The following IVD variants were observed in gnomAD, a reference collection of about 807,000 sequenced individuals.
IVD encodes isovaleryl-CoA dehydrogenase, mitochondrial.
In IVD, 31 loss-of-function variants were observed where a neutral mutation model predicts 51.3. The ratio of observed to expected loss-of-function variants is 0.60; its 90% CI spans 0.45 to 0.81. The LOEUF (loss-of-function observed/expected upper bound fraction) is 0.81. Among genes scored for constraint, IVD ranks in the 40% least tolerant of loss-of-function variants. IVD has a pLI of 0.00. For missense variants in IVD, 475 were observed against 552.0 expected (o/e 0.86, Z 1.40); for synonymous variants, 205 against 219.4 (o/e 0.93, Z 0.58).
At position 40,419,195 on chromosome 15, in the gene IVD, G is replaced by C; in HGVS notation, c.*932G>C. On this transcript the variant is annotated 3_prime_UTR_variant, in exon 12 of 12. Transcript: ENST00000487418. The stretch of plus-strand genomic sequence containing the variant: ...TTTCTTCCAGTTTCTAGAGGTATCA[G>C]CTCCTAGCAGCTTATGAACACATAT... The C allele has an allele frequency of 7.8e-7, 1 of 1,289,360 alleles. No individual in the cohort carries two copies. Among genetic ancestry groups the C allele is most frequent in the Non-Finnish European group, 1.0e-6 (1 of 988,874 alleles). 79.9% of individuals were successfully genotyped at this position (1,289,360 alleles called of 1,614,324 possible). A position where few individuals can be genotyped will look rare whatever the true frequency, so the allele number is the denominator to read the frequency against.
chr15:40,408,651 G>A (rs1201455257), intron 3 of IVD, among the ~76,000 whole-genome samples: 3 of 152,076 alleles, frequency 2.0e-5, no homozygotes, highest in South Asian at 2.1e-4. Flanking sequence ...TGCAGTGCCC[G>A]GTAAAGAGAT....
chr15:40,412,709 C>T, intron 6 of IVD: 1 of 434,148 alleles, frequency 2.3e-6, no homozygotes, highest in African/African-American at 2.0e-5. Flanking sequence ...GGAAATAAGG[C>T]CAGGGGGGTC....
intron 3 of IVD, among the ~76,000 whole-genome samples, chr15:40,409,835 CTTTTTTT>C (rs11365500): frequency 2.3e-5 from 3 of 131,724 alleles, no homozygotes; most frequent in South Asian, 4.9e-4. Flanking sequence ...CTGCTTCTTT[CTTTTTTT>C]TTTTTTTTTT....
chr15:40,422,945 A>G (rs1298361103), downstream of IVD, among the ~76,000 whole-genome samples: 1 of 151,454 alleles, frequency 6.6e-6, no homozygotes, highest in Non-Finnish European at 1.5e-5. Context: ...TTTTTGAGAC[A>G]GGATCTCACT....
intron 6 of IVD, 138 bp from the exon 7 acceptor site, chr15:40,412,853 T>C (rs2141338968): frequency 1.4e-6 from 1 of 702,376 alleles, no homozygotes; most frequent in East Asian, 2.7e-5. Flanking sequence ...GGGGGGAGCA[T>C]GGGACTAGGA....
At chr15:40,411,504 G>A (rs567853455) in intron 5 of IVD, 51 bp from the exon 6 acceptor site, 1 of 1,612,504 alleles carries the variant, frequency 6.2e-7, no homozygotes, top group Admixed American at 1.7e-5. Context: ...CTATGGCCTG[G>A]CTGAGACAGG....
At chr15:40,411,482 T>C in intron 5 of IVD, 73 bp from the exon 6 acceptor site, 1 of 1,609,012 alleles carries the variant, frequency 6.2e-7, no homozygotes, top group South Asian at 1.1e-5. Flanking sequence ...AGCTTCTTGC[T>C]CAGCAGAAGG....
At chr15:40,434,515 C>T (rs1893156886) in intron 8 of IVD, among the ~76,000 whole-genome samples, 1 of 152,142 alleles carries the variant, frequency 6.6e-6, no homozygotes, top group Non-Finnish European at 1.5e-5. Flanking sequence ...CATAGGCCTG[C>T]CCTCCAGGGG....
At chr15:40,424,344 T>C (rs1310381624), downstream of IVD, 3 of 423,220 alleles carry the variant, frequency 7.1e-6, no homozygotes, top group Non-Finnish European at 1.2e-5. Context: ...GCCATGTTTC[T>C]CATCCCTGTG....
At chr15:40,433,879 G>A (rs1231077180) in exon 8 of IVD, 3 of 456,574 alleles carry the variant, frequency 6.6e-6, no homozygotes, top group Non-Finnish European at 1.3e-5. Context: ...CTTGGAGTGT[G>A]TTCAGTAAAC....
rs1014641699 is a variant in IVD, at chr15:40,419,763, C to G, written c.*1500C>G. 1 of 154,050 alleles carries G rather than the reference C, an allele frequency of 6.5e-6. No homozygotes were observed. Among genetic ancestry groups the G allele is most frequent in the East Asian group, 1.9e-4 (1 of 5,214 alleles). 9.5% of individuals were successfully genotyped at this position (154,050 alleles called of 1,614,324 possible). The stretch of plus-strand genomic sequence containing the variant: ...GGCAGAGTTTGCAGTGAGCCAAGAT[C>G]ACACCACTGCACTCCAGCTTGGACG... On this transcript the variant is annotated 3_prime_UTR_variant, in exon 12 of 12. Coordinates refer to ENST00000487418, the MANE Select transcript of IVD (RefSeq NM_002225.5).
Position 40,410,639 on chromosome 15 carries a change from G to A in IVD, c.298G>A (p.Gly100Ser), listed in dbSNP as rs756016473. The change falls in exon 4 of 12, where the codon GGC becomes AGC. Residue 100 changes from glycine (G) to serine (S), a missense_variant. Coordinates refer to ENST00000487418, the MANE Select transcript of IVD (RefSeq NM_002225.5). ...CACACCACTCACAGTTCAGTATGGC[G>A]GCTCCGGCCTGGGCTACCTGGAGCA... ...LGITAPVQYG[G>S]SGLGYLEHVL... 5.0e-6 allele frequency: 8 copies of A among 1,614,152 alleles called. No individual in the cohort carries two copies. Among genetic ancestry groups the A allele is most frequent in the South Asian group, 3.3e-5 (3 of 91,084 alleles).
chr15:40,432,258 C>T lies in IVD; in HGVS notation c.720-1596C>T, dbSNP rs375416932. 9.2e-5 allele frequency among the ~76,000 whole-genome samples: 14 copies of T among 152,328 alleles called. No homozygotes were observed. In the South Asian group the frequency reaches 2.9e-3, roughly 32 times the overall value. On this transcript the variant is annotated intron_variant, in intron 7 of 8. Transcript: ENST00000473112. ...TGCGCCTGGCCTATCATATCTAAGT[C>T]TTGATGTCACTTTTCCAGTTACTAA... is the stretch of plus-strand genomic sequence containing the variant.
At chr15:40,423,677 G>A (rs1892497739), downstream of IVD, among the ~76,000 whole-genome samples, 1 of 151,918 alleles carries the variant, frequency 6.6e-6, no homozygotes, top group South Asian at 2.1e-4. Flanking sequence ...GGCCAGGCTG[G>A]TCTCAAACTC....
chr15:40,411,746 A>C (rs1421463911), intron 6 of IVD, 55 bp downstream of exon 6: 12 of 1,589,610 alleles, frequency 7.5e-6, no homozygotes, highest in Admixed American at 1.7e-5. Flanking sequence ...CAGTGGTACC[A>C]GAGATAGCCC....
At position 40,414,939 on chromosome 15, in the gene IVD, GGGCT is replaced by G. The variant is rs2141351682; in HGVS notation, c.838_841del (p.Leu280ThrfsTer28). 3.7e-6 allele frequency: 6 copies of G among 1,614,164 alleles called. No individual in the cohort carries two copies. The highest frequency in any genetic ancestry group is 5.1e-6 in the Non-Finnish European group (6 of 1,180,018). On this transcript the variant is annotated frameshift_variant, in exon 8 of 12. Coordinates refer to ENST00000487418, the MANE Select transcript of IVD (RefSeq NM_002225.5). LOFTEE classifies it high-confidence loss of function. The stretch of plus-strand genomic sequence containing the variant: ...TAAGGGTGTCTACGTGCTGATGAGT[GGGCT>G]GGACCTGGAGCGGCTGGTGCTGGCC...
downstream of IVD, among the ~76,000 whole-genome samples, chr15:40,424,787 C>T (rs1304344135): frequency 6.6e-6 from 1 of 152,246 alleles, no homozygotes; most frequent in Non-Finnish European, 1.5e-5. Context: ...TCTGTAAGAT[C>T]TTTGAGGTCA....
At chr15:40,415,029 G>T (rs764997752) in intron 8 of IVD, 47 bp downstream of exon 8, 2 of 1,603,154 alleles carry the variant, frequency 1.2e-6, no homozygotes, top group East Asian at 4.5e-5. Flanking sequence ...CGGCCTCCTC[G>T]GCAGGTGACC....
At chr15:40,406,929 TCTC>T (rs1289049946) in intron 1 of IVD, among the ~76,000 whole-genome samples, 2 of 151,396 alleles carry the variant, frequency 1.3e-5, no homozygotes, top group Non-Finnish European at 2.9e-5. Flanking sequence ...AATGGCGCGA[TCTC>T]CGCTCACCAC....
Sources: gnomAD v4.1 joint callset for allele counts (sites outside exome capture counted in the v4.1 genomes callset) on GRCh38, gnomAD v4.1.1 for gene constraint, MANE v1.5 for transcripts, NCBI Gene and HGNC (gene_info 2026-07-23, HGNC 2026-07-21) for gene names.